MSANTD1: variants seen among roughly 807,000 people sequenced by gnomAD.
MSANTD1 encodes the protein myb/SANT-like DNA-binding domain-containing protein 1.
In MSANTD1, 7 loss-of-function variants were observed where a neutral mutation model predicts 24.2. The observed-to-expected ratio is 0.29, with a 90% CI of 0.16 to 0.54. The LOEUF is 0.54. Among genes scored for constraint, MSANTD1 ranks in the 20% least tolerant of loss-of-function variants. The pLI is 0.94. For missense variants in MSANTD1, 384 were observed against 408.2 expected, an observed-to-expected ratio of 0.94 and a Z score of 0.51; for synonymous variants, 177 against 181.1, an observed-to-expected ratio of 0.98 and a Z score of 0.18.
At chr4:3,250,703 T>C (rs1469998933) in intron 1 of MSANTD1, among the ~76,000 whole-genome samples, 1 of 152,084 alleles carries the variant, frequency 6.6e-6, no homozygotes, top group Non-Finnish European at 1.5e-5. Flanking sequence ...CCTGTCAGCT[T>C]CCAGGATGGG....
upstream of MSANTD1, among the ~76,000 whole-genome samples, chr4:3,245,618 GAC>G (rs1721998041): frequency 2.0e-5 from 3 of 152,362 alleles, no homozygotes; most frequent in Middle Eastern, 3.4e-3. Flanking sequence ...TGAGCACCGT[GAC>G]AGTGTCTGTG....
In MSANTD1 at chr4:3,256,042, C is replaced by G. The variant is rs1578637765; in HGVS notation, c.*77C>G. ...GCCACCCAGGGCAGGCCACTCAGGC[C>G]AGGCGGGCAAGGGGGCCGCCCCGCG... On this transcript the variant is annotated 3_prime_UTR_variant, in exon 3 of 3. Coordinates refer to ENST00000438480, the MANE Select transcript of MSANTD1 (RefSeq NM_001042690.2). The G allele has an allele frequency of 1.4e-6, 2 of 1,403,160 alleles. No individual in the cohort carries two copies. Among genetic ancestry groups the G allele is most frequent in the East Asian group, 2.8e-5 (1 of 36,098 alleles). The allele number at this position is 1,403,160 out of a possible 1,614,324, so 86.9% of individuals were successfully genotyped here. A position where few individuals can be genotyped will look rare whatever the true frequency, so the allele number is the denominator to read the frequency against.
At position 3,253,360 on chromosome 4, in the gene MSANTD1, G is replaced by C. The variant is rs754046691; in HGVS notation, c.474G>C (p.Ala158=). ...GGCCCTCCACGTCCCAGACCGAGGC[G>C]TCCCTGTCGCCGCCCGCTAAGTCCA... is the stretch of plus-strand genomic sequence containing the variant. ...PPGPSTSQTE[A]SLSPPAKSTP... Residue 158 remains alanine, a synonymous_variant, in exon 2 of 3, where the codon GCG becomes GCC. Coordinates refer to ENST00000438480, the MANE Select transcript of MSANTD1 (RefSeq NM_001042690.2). 6.2e-7 allele frequency: 1 copy of C among 1,611,006 alleles called. No individual in the cohort carries two copies. The highest frequency in any genetic ancestry group is 1.7e-5 in the Admixed American group (1 of 59,566).
At chr4:3,255,264 T>G (rs1042048174) in intron 2 of MSANTD1, among the ~76,000 whole-genome samples, 1 of 150,754 alleles carries the variant, frequency 6.6e-6, no homozygotes, top group African/African-American at 2.4e-5. Context: ...GGAGTCTCGC[T>G]CTTGTGCAGA....
intron 1 of MSANTD1, among the ~76,000 whole-genome samples, chr4:3,251,693 C>CTTTT (rs59741098): frequency 7.3e-6 from 1 of 137,602 alleles, no homozygotes; most frequent in African/African-American, 2.7e-5. Flanking sequence ...TTTTCTTTTT[C>CTTTT]TTTTTTTTTT....
At chr4:3,248,855 C>A (rs779918310), upstream of MSANTD1, 1 of 208,392 alleles carries the variant, frequency 4.8e-6, no homozygotes, top group Non-Finnish European at 9.5e-6. Context: ...CACCTTTTGC[C>A]CCCTTTCTCC....
rs1722228368 is a variant in MSANTD1, at chr4:3,251,523, C to T, written c.321-1684C>T. 5.9e-5 allele frequency among the ~76,000 whole-genome samples: 9 copies of T among 152,146 alleles called. No homozygotes were observed. The South Asian group carries it at 1.7e-3, about 28-fold the overall frequency. Reference sequence around the variant, plus strand: ...CGCAGCCCCTCAGAGCTGCCACAGTCAGCCTTAGTTCACCGAGGGGGAAGC... The same window carrying T: ...CGCAGCCCCTCAGAGCTGCCACAGTTAGCCTTAGTTCACCGAGGGGGAAGC... On this transcript the variant is annotated intron_variant, in intron 1 of 2. Transcript: ENST00000438480.
chr4:3,255,253 C>G (rs116239669), intron 2 of MSANTD1, among the ~76,000 whole-genome samples: 1 of 148,046 alleles, frequency 6.8e-6, no homozygotes, highest in Non-Finnish European at 1.5e-5. Flanking sequence ...TTTTTTGAGA[C>G]GGAGTCTCGC....
chr4:3,253,060 C>A, intron 1 of MSANTD1, 147 bp from the exon 2 acceptor site: 1 of 708,456 alleles, frequency 1.4e-6, no homozygotes, highest in Non-Finnish European at 2.2e-6. Flanking sequence ...GACCCTGGAG[C>A]CTGGCCGATT....
upstream of MSANTD1, chr4:3,244,510 G>C (rs1330789989): frequency 2.0e-5 from 3 of 152,308 alleles, no homozygotes; most frequent in African/African-American, 7.2e-5. Flanking sequence ...CGGGGCTGCT[G>C]TGTGTCCGCA....
At chr4:3,249,669 T>C in intron 1 of MSANTD1, 127 bp downstream of exon 1, 1 of 912,628 alleles carries the variant, frequency 1.1e-6, no homozygotes. Context: ...CGGTCTCCTC[T>C]GGCCGGGTAT....
At chr4:3,253,559 C>G in intron 2 of MSANTD1, 77 bp downstream of exon 2, 1 of 1,402,352 alleles carries the variant, frequency 7.1e-7, no homozygotes, top group Non-Finnish European at 9.3e-7. Flanking sequence ...CTGGGAGTGG[C>G]AAGGCCGGCG....
chr4:3,249,826 A>G (rs984123447), intron 1 of MSANTD1, among the ~76,000 whole-genome samples: 3 of 152,198 alleles, frequency 2.0e-5, no homozygotes, highest in African/African-American at 7.2e-5. Context: ...TGCTGGGCAG[A>G]GGCCAGGATG....
Position 3,253,344 on chromosome 4 carries a change from C to A in MSANTD1, c.458C>A (p.Thr153Lys). 1 of 1,611,028 alleles carries A rather than the reference C, an allele frequency of 6.2e-7. No homozygotes were observed. The highest frequency in any genetic ancestry group is 1.7e-5 in the Admixed American group (1 of 59,570). ...GACAGCCAGCCGCCGGGGCCCTCCA[C>A]GTCCCAGACCGAGGCGTCCCTGTCG... The part of the protein sequence containing the change: ...LPDSQPPGPS[T>K]SQTEASLSPP... The change falls in exon 2 of 3, where the codon ACG becomes AAG. Residue 153 changes from threonine to lysine, a missense_variant. By Grantham distance (78) the Thr-to-Lys change is moderately conservative. Transcript: ENST00000438480.
At chr4:3,255,660 G>A (rs928515348) in intron 2 of MSANTD1, 65 bp from the exon 3 acceptor site, 37 of 1,447,550 alleles carry the variant, frequency 2.6e-5, no homozygotes, top group East Asian at 7.6e-5. Context: ...GGGAGGGTCC[G>A]GTGAGGCCCC....
At chr4:3,253,157 G>A in intron 1 of MSANTD1, 50 bp from the exon 2 acceptor site, 1 of 1,487,530 alleles carries the variant, frequency 6.7e-7, no homozygotes, top group African/African-American at 1.4e-5. Flanking sequence ...CAGGACAGGG[G>A]CTGGGCCAGC....
chr4:3,246,681 C>T, upstream of MSANTD1: 2 of 697,216 alleles, frequency 2.9e-6, no homozygotes, highest in Admixed American at 2.0e-5. Flanking sequence ...GTACGAGCCC[C>T]TCCCCAGCAG....
rs756741555 is a variant in MSANTD1, at chr4:3,255,687, T to C, written c.597-38T>C. ...TGAGGCCCCTGGTGTGCCCAGGCTCTGTGGCCAGCACGTCCACAGCCGGCA... is the reference window on the plus strand; with the variant it reads ...TGAGGCCCCTGGTGTGCCCAGGCTCCGTGGCCAGCACGTCCACAGCCGGCA... On this transcript the variant is annotated intron_variant, in intron 2 of 2. Transcript: ENST00000438480. 17 of 1,493,082 alleles carry C rather than the reference T, an allele frequency of 1.1e-5. No individual in the cohort carries two copies. In the South Asian group the frequency reaches 2.2e-4, roughly 20 times the overall value. 92.5% of individuals were successfully genotyped at this position (1,493,082 alleles called of 1,614,324 possible).
chr4:3,255,281 T>A (rs924970617), intron 2 of MSANTD1, among the ~76,000 whole-genome samples: 4 of 151,438 alleles, frequency 2.6e-5, no homozygotes, highest in Admixed American at 6.6e-5. Context: ...CAGAGAGCAG[T>A]GGCGCGATCT....
Sources: allele counts gnomAD v4.1 joint callset (sites outside exome capture counted in the v4.1 genomes callset), GRCh38; gene constraint gnomAD v4.1.1; transcripts MANE v1.5; gene names NCBI Gene and HGNC (gene_info 2026-07-23, HGNC 2026-07-21).